The following TENM2 variants were observed in gnomAD, a reference collection of about 807,000 sequenced individuals.
TENM2 encodes the protein teneurin-2.
Under a neutral mutation model 245.2 loss-of-function variants are expected in TENM2, and 52 were observed. The observed-to-expected ratio is 0.21, with a 90% CI of 0.17 to 0.27. The LOEUF (loss-of-function observed/expected upper bound fraction) is 0.27. TENM2 is among the 10% of genes least tolerant of loss of function. The pLI, the probability that TENM2 is intolerant of heterozygous loss-of-function variation, is 1.00. For synonymous variants in TENM2, 1,363 were observed against 1,438.9 expected (o/e 0.95, Z 1.19); for missense variants, 3,046 against 3,666.8 (o/e 0.83, Z 4.37).
chr5:167,620,064 T>C (rs1778057016), intron 2 of TENM2, among the ~76,000 whole-genome samples: 2 of 152,142 alleles, frequency 1.3e-5, no homozygotes, highest in Admixed American at 1.3e-4. Flanking sequence ...AGGGTTGTGT[T>C]AAATGTGAAG....
At chr5:168,129,898 C>T (rs1171789294) in intron 12 of TENM2, 1 of 152,162 alleles carries the variant, frequency 6.6e-6, no homozygotes, top group Admixed American at 6.5e-5. Context: ...AGAAAAATGA[C>T]ATGGTACCAA....
intron 1 of TENM2, among the ~76,000 whole-genome samples, chr5:167,351,487 C>T (rs560385271): frequency 1.3e-5 from 2 of 152,270 alleles, no homozygotes; most frequent in African/African-American, 4.8e-5. Context: ...TATGGGTTCA[C>T]TGAGCAATAG....
the TENM2 span, among the ~76,000 whole-genome samples, chr5:167,100,214 C>T: frequency 1.3e-5 from 2 of 152,146 alleles, no homozygotes; most frequent in African/African-American, 2.4e-5. Context: ...TATACAGATA[C>T]TGGGTGAATG....
chr5:167,261,329 C>G, the TENM2 span, among the ~76,000 whole-genome samples: 1 of 152,258 alleles, frequency 6.6e-6, no homozygotes, highest in East Asian at 1.9e-4. Context: ...ATTTCTTAAC[C>G]TCTTACAATC....
At chr5:167,986,492 G>A (rs1783256340) in intron 4 of TENM2, among the ~76,000 whole-genome samples, 1 of 152,192 alleles carries the variant, frequency 6.6e-6, no homozygotes, top group African/African-American at 2.4e-5. Context: ...AGAAGTGTGT[G>A]AGCTCCTCTT....
the TENM2 span, among the ~76,000 whole-genome samples, chr5:167,261,414 C>A: frequency 6.6e-6 from 1 of 152,230 alleles, no homozygotes; most frequent in East Asian, 1.9e-4. Context: ...TCCATGAGAT[C>A]ATGCACATAA....
intron 20 of TENM2, chr5:168,214,757 G>A (rs1763044878): frequency 1.9e-6 from 1 of 520,974 alleles, no homozygotes; most frequent in Non-Finnish European, 3.7e-6. Flanking sequence ...ACAAAAACAG[G>A]ATCGGAGTGG....
At chr5:167,638,990 C>T (rs1413913322) in intron 2 of TENM2, among the ~76,000 whole-genome samples, 2 of 152,188 alleles carry the variant, frequency 1.3e-5, no homozygotes, top group Non-Finnish European at 2.9e-5. Flanking sequence ...TCCTAATAAA[C>T]TTAGAAAGTC....
At chr5:167,269,814 C>T in the TENM2 span, among the ~76,000 whole-genome samples, 1 of 152,148 alleles carries the variant, frequency 6.6e-6, no homozygotes, top group Non-Finnish European at 1.5e-5. Flanking sequence ...TCTCTTAAGA[C>T]CCTTCTCTCT....
In TENM2 at chr5:167,484,399, C is replaced by T. The variant is rs141540563; in HGVS notation, c.502+108926C>T. Reference sequence around the variant, plus strand: ...ATAAAAAGGATAATCTTGGGCACAGCGCTGTGCATGAAAGAAGGACAATGT... The same window carrying T: ...ATAAAAAGGATAATCTTGGGCACAGTGCTGTGCATGAAAGAAGGACAATGT... On this transcript the variant is annotated intron_variant, in intron 2 of 28. Transcript: ENST00000518659. 3.6e-4 allele frequency among the ~76,000 whole-genome samples: 54 copies of T among 152,038 alleles called. No homozygotes were observed. In the East Asian group the frequency reaches 4.6e-3, roughly 13 times the overall value.
chr5:168,015,760 C>T (rs1230251484), intron 5 of TENM2, among the ~76,000 whole-genome samples: 1 of 152,162 alleles, frequency 6.6e-6, no homozygotes, highest in African/African-American at 2.4e-5. Context: ...ATCCTCATTC[C>T]TGAGGATAAA....
chr5:168,037,226 T>C (rs768206996), intron 5 of TENM2, among the ~76,000 whole-genome samples: 33 of 152,138 alleles, frequency 2.2e-4, no homozygotes, highest in Non-Finnish European at 1.0e-4. Flanking sequence ...AAATTAAAAA[T>C]TGAAAAGGAC....
chr5:167,516,422 G>T (rs1200089090), intron 2 of TENM2, among the ~76,000 whole-genome samples: 1 of 152,178 alleles, frequency 6.6e-6, no homozygotes, highest in Non-Finnish European at 1.5e-5. Context: ...ATCCTTTGAT[G>T]CCATGCTCGT....
chr5:167,395,526 C>T (rs74405981), intron 2 of TENM2, among the ~76,000 whole-genome samples: 3,576 of 152,170 alleles, frequency 0.024, 50 homozygotes, highest in Non-Finnish European at 0.034. Flanking sequence ...CTAAGACTCT[C>T]GGCATTATGT....
At chr5:167,510,449 A>G (rs976930997) in intron 2 of TENM2, among the ~76,000 whole-genome samples, 11 of 152,194 alleles carry the variant, frequency 7.2e-5, no homozygotes, top group African/African-American at 2.2e-4. Flanking sequence ...TGAAAATGCC[A>G]TTGCTCTTGG....
At chr5:167,021,958 C>A in the TENM2 span, among the ~76,000 whole-genome samples, 1 of 152,244 alleles carries the variant, frequency 6.6e-6, no homozygotes, top group African/African-American at 2.4e-5. Context: ...CAAGACCTAA[C>A]CCATTGTATA....
At chr5:168,254,183 GAGA>G (rs1767422790) in intron 27 of TENM2, among the ~76,000 whole-genome samples, 1 of 152,248 alleles carries the variant, frequency 6.6e-6, no homozygotes, top group Admixed American at 6.5e-5. Flanking sequence ...TGAAGAACGT[GAGA>G]AGAGGAGAGT....
intron 2 of TENM2, among the ~76,000 whole-genome samples, chr5:167,669,327 T>A (rs1164767201): frequency 1.3e-5 from 2 of 151,074 alleles, no homozygotes; most frequent in Non-Finnish European, 2.9e-5. Context: ...AAGTAAAAAA[T>A]TAGAAAATGT....
intron 2 of TENM2, among the ~76,000 whole-genome samples, chr5:167,672,019 G>T (rs1254274897): frequency 1.3e-5 from 2 of 151,912 alleles, no homozygotes; most frequent in African/African-American, 2.4e-5. Flanking sequence ...ACTAGTGCTT[G>T]CATTTCTGCT....
Sources: gnomAD v4.1 joint callset for allele counts (sites outside exome capture counted in the v4.1 genomes callset) on GRCh38, gnomAD v4.1.1 for gene constraint, MANE v1.5 for transcripts, NCBI Gene and HGNC (gene_info 2026-07-23, HGNC 2026-07-21) for gene names.